The following EPC1 variants were observed in gnomAD, a reference collection of about 807,000 sequenced individuals.
EPC1 encodes the protein enhancer of polycomb 1.
In EPC1, 12 loss-of-function variants were observed where a neutral mutation model predicts 98.4. That is an observed-to-expected ratio of 0.12 (90% confidence interval 0.08 to 0.20). The LOEUF is 0.20. EPC1 is among the 10% of genes least tolerant of loss of function. The probability of loss-of-function intolerance (pLI) is 1.00; values close to 1 mark genes in which losing one functional copy is unlikely to be tolerated. For missense variants in EPC1, 729 were observed against 990.5 expected (o/e 0.74, Z 3.54); for synonymous variants, 357 against 363.9 (o/e 0.98, Z 0.21).
chr10:32,320,544 A>AATTAATAATTAATTAT (rs1381554836), intron 1 of EPC1, among the ~76,000 whole-genome samples: 10 of 152,236 alleles, frequency 6.6e-5, no homozygotes, highest in Non-Finnish European at 2.9e-5. Flanking sequence ...AAAATCCATT[A>AATTAATAATTAATTAT]TGATCTTCCA....
At chr10:32,305,734 A>G (rs1835841243) in intron 2 of EPC1, 38 bp downstream of exon 2, 1 of 1,508,230 alleles carries the variant, frequency 6.6e-7, no homozygotes, top group African/African-American at 1.4e-5. Context: ...AATAAGAGAA[A>G]TATAGAAAAT....
chr10:32,274,540 T>C (rs1835986336), intron 10 of EPC1, among the ~76,000 whole-genome samples: 1 of 151,972 alleles, frequency 6.6e-6, no homozygotes, highest in South Asian at 2.1e-4. Context: ...TAATAAGTTA[T>C]TAGTATCTAC....
Position 32,269,128 on chromosome 10 carries a change from G to T in EPC1, c.2377C>A (p.His793Asn). The change falls in exon 14 of 14, where the codon CAT (histidine) becomes AAT (asparagine). Residue 793 changes from histidine (H) to asparagine (N), a missense_variant. Coordinates refer to ENST00000319778, the MANE Select transcript of EPC1 (RefSeq NM_001272004.3). ...TTCAGTGCTGGCTTTTCTGATTCAT[G>T]ATTTTCCCTGTTGAAATAAAGTTCA... ...SSVDSVPREN[H>N]ESEKPALNNI... 6.2e-7 allele frequency: 1 copy of T among 1,613,442 alleles called. No individual in the cohort carries two copies. The highest frequency in any genetic ancestry group is 8.5e-7 in the Non-Finnish European group (1 of 1,179,574).
At chr10:32,313,254 G>C (rs1055638666) in intron 1 of EPC1, among the ~76,000 whole-genome samples, 4 of 152,150 alleles carry the variant, frequency 2.6e-5, no homozygotes, top group African/African-American at 9.7e-5. Flanking sequence ...ACAAAAACCA[G>C]AGATACAGGG....
intron 2 of EPC1, among the ~76,000 whole-genome samples, chr10:32,305,226 T>C (rs1291216106): frequency 6.6e-6 from 1 of 152,262 alleles, no homozygotes; most frequent in East Asian, 1.9e-4. Context: ...TGGCAAGCTA[T>C]GGCCTATGGG....
At chr10:32,314,378 C>T (rs145278758) in intron 1 of EPC1, among the ~76,000 whole-genome samples, 34 of 152,254 alleles carry the variant, frequency 2.2e-4, no homozygotes, top group African/African-American at 8.2e-4. Flanking sequence ...ATCATGGCAC[C>T]CAGCTCCAAA....
chr10:32,304,951 G>T (rs996271042), intron 2 of EPC1, among the ~76,000 whole-genome samples: 2 of 147,862 alleles, frequency 1.4e-5, no homozygotes, highest in Admixed American at 6.7e-5. Context: ...AAAGAAAAAA[G>T]AAAAACCTCT....
At position 32,272,126 on chromosome 10, in the gene EPC1, A is replaced by T. The variant is rs895012651; in HGVS notation, c.1905T>A (p.Phe635Leu). Residue 635 changes from phenylalanine to leucine, a missense_variant, in exon 12 of 14, where the codon TTT becomes TTA. Around this residue, in one of 6 missense-constraint regions of EPC1, gnomAD observed 390 missense variants for 438.6 expected, o/e 0.89. Transcript: ENST00000319778. ...CTGATGTCACCAAAGCAGAAGCAGC[A>T]AACTGTGCACTAGCAGAATCCAAAG... ...SKTLDSASAQFAASALVTSEQ... is the reference protein window; with the variant it reads ...SKTLDSASAQLAASALVTSEQ... 6 of 1,613,788 alleles carry T rather than the reference A, an allele frequency of 3.7e-6. No individual in the cohort carries two copies. The highest frequency in any genetic ancestry group is 5.1e-6 in the Non-Finnish European group (6 of 1,179,930).
chr10:32,378,288 A>G (rs1839910925), intron 1 of EPC1, among the ~76,000 whole-genome samples: 1 of 150,596 alleles, frequency 6.6e-6, no homozygotes, highest in African/African-American at 2.4e-5. Context: ...TATATTATAA[A>G]CATTTAGCTT....
chr10:32,293,292 A>G, intron 3 of EPC1, 98 bp from the exon 4 acceptor site: 1 of 972,076 alleles, frequency 1.0e-6, no homozygotes, highest in Non-Finnish European at 1.5e-6. Flanking sequence ...ATATTACAAC[A>G]TTATTAACAA....
chr10:32,344,834 A>G (rs925136167), intron 1 of EPC1, among the ~76,000 whole-genome samples: 1 of 152,108 alleles, frequency 6.6e-6, no homozygotes, highest in African/African-American at 2.4e-5. Flanking sequence ...AATAAAAATT[A>G]CCCGTAAAAT....
intron 2 of EPC1, among the ~76,000 whole-genome samples, chr10:32,302,166 G>A (rs1408540360): frequency 2.0e-5 from 3 of 152,032 alleles, no homozygotes; most frequent in Middle Eastern, 3.4e-3. Context: ...CCAGCTACTC[G>A]GGAGGCTGAG....
At chr10:32,282,800 G>A (rs1267651447) in intron 10 of EPC1, 1 of 152,148 alleles carries the variant, frequency 6.6e-6, no homozygotes, top group African/African-American at 2.4e-5. Context: ...TGGAGAAGAT[G>A]GAGATTGATG....
At chr10:32,281,393 T>A (rs1836403348) in intron 10 of EPC1, among the ~76,000 whole-genome samples, 1 of 152,164 alleles carries the variant, frequency 6.6e-6, no homozygotes, top group Non-Finnish European at 1.5e-5. Flanking sequence ...TCTGCTGGCA[T>A]CAGACTACAT....
chr10:32,315,293 C>T (rs1836489080), intron 1 of EPC1, among the ~76,000 whole-genome samples: 1 of 152,106 alleles, frequency 6.6e-6, no homozygotes, highest in Admixed American at 6.5e-5. Context: ...TGAAAAAAGA[C>T]ATTTCTACTT....
chr10:32,304,662 G>A (rs1365076726), intron 2 of EPC1, among the ~76,000 whole-genome samples: 1 of 152,132 alleles, frequency 6.6e-6, no homozygotes, highest in Non-Finnish European at 1.5e-5. Context: ...GCTCATGCCT[G>A]TAATCCCAGC....
chr10:32,311,373 T>C (rs1836221544), intron 1 of EPC1, among the ~76,000 whole-genome samples: 1 of 151,942 alleles, frequency 6.6e-6, no homozygotes, highest in Admixed American at 6.6e-5. Flanking sequence ...AGAATCTGGG[T>C]TGAAGGTATA....
chr10:32,339,306 G>C (rs1237160787), intron 1 of EPC1, among the ~76,000 whole-genome samples: 1 of 152,136 alleles, frequency 6.6e-6, no homozygotes, highest in Non-Finnish European at 1.5e-5. Flanking sequence ...GAAAACCTGG[G>C]GCATGTGGAA....
At chr10:32,371,976 C>T (rs570440616) in intron 1 of EPC1, among the ~76,000 whole-genome samples, 1 of 152,284 alleles carries the variant, frequency 6.6e-6, no homozygotes, top group Middle Eastern at 3.4e-3. Context: ...CTACCCTGAA[C>T]ATCCTATTTA....
Sources: allele counts gnomAD v4.1 joint callset (sites outside exome capture counted in the v4.1 genomes callset), GRCh38; gene constraint gnomAD v4.1.1; regional missense constraint gnomAD v4.1.1; transcripts MANE v1.5; gene names NCBI Gene and HGNC (gene_info 2026-07-23, HGNC 2026-07-21).